The following JAK1 variants were observed in gnomAD, a reference collection of about 807,000 sequenced individuals.
The protein encoded by JAK1 is tyrosine-protein kinase JAK1.
Under a neutral mutation model 136.6 loss-of-function variants are expected in JAK1, and 16 were observed. The ratio of observed to expected loss-of-function variants is 0.12; its 90% CI spans 0.08 to 0.18. JAK1 has a LOEUF of 0.18. JAK1 is among the 10% of genes least tolerant of loss of function. JAK1 has a pLI of 1.00. For synonymous variants in JAK1, 492 were observed against 519.5 expected, an observed-to-expected ratio of 0.95 and a Z score of 0.72; for missense variants, 859 against 1,450.1, an observed-to-expected ratio of 0.59 and a Z score of 6.62.
chr1:65,055,808 G>A (rs1009260703), intron 1 of JAK1, among the ~76,000 whole-genome samples: 4 of 152,156 alleles, frequency 2.6e-5, no homozygotes, highest in Non-Finnish European at 5.9e-5. Context: ...TAGAGGAAAG[G>A]GGACCCAGCA....
chr1:65,029,846 G>A (rs1029127737), intron 2 of JAK1, among the ~76,000 whole-genome samples: 20 of 152,220 alleles, frequency 1.3e-4, no homozygotes, highest in Non-Finnish European at 2.4e-4. Flanking sequence ...TAACGAATGG[G>A]TACTGGGCTT....
At chr1:64,954,518 ACCCACATCATGATT>A (rs773839993) in intron 1 of JAK1, among the ~76,000 whole-genome samples, 77 of 152,030 alleles carry the variant, frequency 5.1e-4, no homozygotes, top group Non-Finnish European at 9.1e-4. Flanking sequence ...TTTCCACCAA[ACCCACATCATGATT>A]CCCATATTGT....
intron 1 of JAK1, among the ~76,000 whole-genome samples, chr1:64,954,573 A>G (rs917710269): frequency 6.6e-6 from 1 of 152,210 alleles, no homozygotes; most frequent in Non-Finnish European, 1.5e-5. Context: ...TTTATATAGG[A>G]TAAGTATCTG....
intron 17 of JAK1, among the ~76,000 whole-genome samples, chr1:64,843,048 G>A (rs951873099): frequency 7.9e-5 from 12 of 152,112 alleles, no homozygotes; most frequent in Admixed American, 2.0e-4. Flanking sequence ...TCCCAAGGCC[G>A]ACCTCCAAGC....
chr1:64,864,422 C>T (rs1656566746), intron 8 of JAK1, among the ~76,000 whole-genome samples: 1 of 152,244 alleles, frequency 6.6e-6, no homozygotes, highest in South Asian at 2.1e-4. Context: ...TCCTGCTTTG[C>T]ACTTCAGCTC....
intron 1 of JAK1, among the ~76,000 whole-genome samples, chr1:64,937,999 C>T (rs1434030672): frequency 6.6e-6 from 1 of 151,986 alleles, no homozygotes; most frequent in Non-Finnish European, 1.5e-5. Flanking sequence ...CCTGCCTCAG[C>T]CTCCCAAGTA....
intron 8 of JAK1, among the ~76,000 whole-genome samples, chr1:64,864,064 A>C (rs1656537863): frequency 6.6e-6 from 1 of 152,226 alleles, no homozygotes; most frequent in South Asian, 2.1e-4. Flanking sequence ...AAACCGTATC[A>C]CCAGGCTCTT....
chr1:65,064,966 T>C (rs184147927), intron 1 of JAK1, among the ~76,000 whole-genome samples: 1 of 152,332 alleles, frequency 6.6e-6, no homozygotes. Context: ...AGGAAAGCTT[T>C]TCTGAAATAC....
chr1:65,023,214 C>T (rs1390252685), intron 2 of JAK1: 1 of 151,972 alleles, frequency 6.6e-6, no homozygotes, highest in Non-Finnish European at 1.5e-5. Context: ...GTGATTCTCC[C>T]ACCTCAGCCT....
rs749163489 is a variant in JAK1 at position 64,883,493 on chromosome 1, C to T, written c.7-18G>A. 4 of 1,604,516 alleles carry T rather than the reference C, an allele frequency of 2.5e-6. No individual in the cohort carries two copies. In the African/African-American group the frequency reaches 5.4e-5, roughly 21 times the overall value. On this transcript the variant is annotated intron_variant, in intron 2 of 24. Coordinates refer to ENST00000342505, the MANE Select transcript of JAK1 (RefSeq NM_002227.4). ...TTTAGATACTGTTGTGGAAGGAAAA[C>T]AAGACTATGTGGTCACTCTATGTGC...
At position 64,984,352 on chromosome 1, in the gene JAK1, G is replaced by T. The variant is rs1246854981; in HGVS notation, c.-78+60128C>A. On this transcript the variant is annotated intron_variant, in intron 2 of 25. Coordinates refer to the JAK1 transcript ENST00000671954. The surrounding 1 kb of genome is among the most constrained non-coding windows in gnomAD (Gnocchi z 4.1). ...CCAAGGGAGAAGAGCTGGCAAAGTTGTCGTATCCCAAGTGGTCAATCCCTC... is the reference window on the plus strand; with the variant it reads ...CCAAGGGAGAAGAGCTGGCAAAGTTTTCGTATCCCAAGTGGTCAATCCCTC... Among the ~76,000 whole-genome samples the T allele has an allele frequency of 2.0e-5, 3 of 152,186 alleles. No individual in the cohort carries two copies. The East Asian group carries it at 5.8e-4, about 29-fold the overall frequency.
intron 2 of JAK1, among the ~76,000 whole-genome samples, chr1:65,039,588 A>G (rs578271): frequency 0.16 from 23,790 of 152,124 alleles, 2,469 homozygotes; most frequent in East Asian, 0.33. Context: ...TTTACACTAT[A>G]TTCTACTATG....
intron 1 of JAK1, among the ~76,000 whole-genome samples, chr1:65,060,189 C>T (rs1647727810): frequency 6.6e-6 from 1 of 151,456 alleles, no homozygotes; most frequent in African/African-American, 2.4e-5. Context: ...GAAATAGTTG[C>T]ACATTTTTAC....
chr1:64,847,504 G>C, intron 13 of JAK1, 28 bp downstream of exon 13: 3 of 1,613,166 alleles, frequency 1.9e-6, no homozygotes, highest in African/African-American at 1.3e-5. Context: ...GGAGAGGGGA[G>C]GGGAGGAGTT....
chr1:64,846,538 AG>A, intron 14 of JAK1, 110 bp downstream of exon 14: 1 of 755,788 alleles, frequency 1.3e-6, no homozygotes, highest in Non-Finnish European at 2.3e-6. Context: ...AACTGCAAAA[AG>A]AAAGGCAAGA....
chr1:65,007,745 G>GT (rs371536456), intron 2 of JAK1, among the ~76,000 whole-genome samples: 261 of 141,702 alleles, frequency 1.8e-3, no homozygotes, highest in Middle Eastern at 7.6e-3. Context: ...TTATAGGTAT[G>GT]TTTTTTTTTT....
At chr1:64,865,021 C>A in intron 7 of JAK1, 49 bp from the exon 8 acceptor site, 1 of 1,487,624 alleles carries the variant, frequency 6.7e-7, no homozygotes, top group Non-Finnish European at 9.3e-7. Flanking sequence ...TCTTCATTTT[C>A]TATTGGTAAA....
At chr1:64,873,594 C>CACT (rs1448910624) in intron 4 of JAK1, 71 bp from the exon 5 acceptor site, 4 of 1,581,292 alleles carry the variant, frequency 2.5e-6, no homozygotes, top group Non-Finnish European at 3.5e-6. Context: ...TCCTGGCTCA[C>CACT]CAACAGTGGT....
chr1:64,982,784 G>A (rs1198457004), intron 2 of JAK1, among the ~76,000 whole-genome samples: 1 of 151,012 alleles, frequency 6.6e-6, no homozygotes, highest in Admixed American at 6.6e-5. Flanking sequence ...TTTTTCATGT[G>A]TACATTCAGA....
Sources: allele counts gnomAD v4.1 joint callset (sites outside exome capture counted in the v4.1 genomes callset), GRCh38; gene constraint gnomAD v4.1.1; non-coding constraint Gnocchi (gnomAD v3.1); transcripts MANE v1.5; gene names NCBI Gene and HGNC (gene_info 2026-07-23, HGNC 2026-07-21).